The following TBCD variants were observed in gnomAD, a reference collection of about 807,000 sequenced individuals.
TBCD encodes tubulin folding cofactor D.
A neutral mutation model predicts 169.3 loss-of-function variants in TBCD; 105 were observed. That is an observed-to-expected ratio of 0.62 (90% CI 0.53 to 0.73). The LOEUF (loss-of-function observed/expected upper bound fraction) is 0.73. TBCD is among the 30% of genes least tolerant of loss of function. The probability of loss-of-function intolerance (pLI) is 0.00; values close to 1 mark genes in which losing one functional copy is unlikely to be tolerated. For synonymous variants in TBCD, 700 were observed against 643.9 expected (o/e 1.09, Z -1.32); for missense variants, 1,444 against 1,600.1 (o/e 0.90, Z 1.66).
chr17:82,805,972 G>A lies in TBCD; in HGVS notation c.1048G>A (p.Glu350Lys), dbSNP rs201515629. The change falls in exon 10 of 39, where the codon GAA becomes AAA. Residue 350 changes from glutamate to lysine, a missense_variant. By Grantham distance (56) the Glu-to-Lys change is moderately conservative (BLOSUM62 1). Transcript: ENST00000355528. Reference protein sequence around the residue: ...KPLILTEDDDEDDDVPEGVER... With the variant: ...KPLILTEDDDKDDDVPEGVER... ...ACTCATCCTGACCGAAGATGACGAC[G>A]AAGATGACGACGTCCCAGAGGGGGT... is the stretch of plus-strand genomic sequence containing the variant. The A allele has an allele frequency of 2.9e-5, 47 of 1,613,706 alleles. No individual in the cohort carries two copies. Among genetic ancestry groups the A allele is most frequent in the African/African-American group, 2.3e-4 (17 of 74,916 alleles).
chr17:82,864,712 A>C lies in TBCD; in HGVS notation c.1319-5512A>C, dbSNP rs558369887. Among the ~76,000 whole-genome samples, 1 of 152,138 alleles carries C rather than the reference A, an allele frequency of 6.6e-6. No individual in the cohort carries two copies. Among genetic ancestry groups the C allele is most frequent in the African/African-American group, 2.4e-5 (1 of 41,490 alleles). On this transcript the variant is annotated intron_variant, in intron 13 of 38. Transcript: ENST00000355528. This position sits in a 1 kb window ranked among gnomAD's most constrained non-coding sequence, Gnocchi z 6.3. ...GGCTTGGGGCTTGGTGCGTGATCCC[A>C]CCGAGGCCGGGGTTGTGCTTGGGGC... is the stretch of plus-strand genomic sequence containing the variant.
intron 13 of TBCD, among the ~76,000 whole-genome samples, chr17:82,834,507 A>T (rs1438939619): frequency 6.6e-6 from 1 of 152,258 alleles, no homozygotes; most frequent in Non-Finnish European, 1.5e-5. Context: ...AAAATGCGGC[A>T]CATATACACC....
intron 13 of TBCD, among the ~76,000 whole-genome samples, chr17:82,828,431 C>T (rs543833417): frequency 5.8e-4 from 87 of 150,154 alleles, no homozygotes; most frequent in African/African-American, 2.0e-3. Flanking sequence ...GATATGTACA[C>T]GTGGACACGC....
chr17:82,937,336 A>G lies in TBCD; in HGVS notation c.3257A>G (p.Gln1086Arg). 2 of 1,614,052 alleles carry G rather than the reference A, an allele frequency of 1.2e-6. No individual in the cohort carries two copies. Among genetic ancestry groups the G allele is most frequent in the East Asian group, 4.5e-5 (2 of 44,882 alleles). Reference sequence around the variant, plus strand: ...GAAATCAAGAATTCAAAAGATATCCAGAAGCTCCTGTCAGGCATCGCAGTG... The same window carrying G: ...GAAATCAAGAATTCAAAAGATATCCGGAAGCTCCTGTCAGGCATCGCAGTG... ...KKEIKNSKDI[Q>R]KLLSGIAVFC... The change falls in exon 35 of 39, where the codon CAG becomes CGG. Residue 1086 changes from glutamine to arginine, a missense_variant. Physicochemically the swap from Gln to Arg is conservative, Grantham distance 43. Transcript: ENST00000355528.
At chr17:82,927,003 C>A in intron 28 of TBCD, 183 bp from the exon 29 acceptor site, 1 of 843,910 alleles carries the variant, frequency 1.2e-6, no homozygotes, top group Non-Finnish European at 1.8e-6. Flanking sequence ...AGAGCGTGAC[C>A]TCGGGGAAGC....
chr17:82,891,065 C>T (rs996208575), intron 16 of TBCD, among the ~76,000 whole-genome samples: 8 of 152,222 alleles, frequency 5.3e-5, no homozygotes, highest in Admixed American at 1.3e-4. Context: ...GGGTGACGAC[C>T]GTGCTGGGTG....
chr17:82,889,527 T>C lies in TBCD; in HGVS notation c.1534-141T>C. 1.1e-6 allele frequency: 1 copy of C among 934,948 alleles called. No individual in the cohort carries two copies. Among genetic ancestry groups the C allele is most frequent in the Admixed American group, 2.5e-5 (1 of 39,846 alleles). 57.9% of individuals were successfully genotyped at this position (934,948 alleles called of 1,614,324 possible). A position where few individuals can be genotyped will look rare whatever the true frequency, so the allele number is the denominator to read the frequency against. On this transcript the variant is annotated intron_variant, in intron 15 of 38. Coordinates refer to ENST00000355528, the MANE Select transcript of TBCD (RefSeq NM_005993.5). The surrounding 1 kb of genome is among the most constrained non-coding windows in gnomAD (Gnocchi z 5.3). Reference sequence around the variant, plus strand: ...AAAACAGAGTGACGCACCTTGAGGCTCTGTTCAGCCAACAATGAGGGCTTT... The same window carrying C: ...AAAACAGAGTGACGCACCTTGAGGCCCTGTTCAGCCAACAATGAGGGCTTT...
chr17:82,776,673 G>A (rs1029349584), intron 6 of TBCD, among the ~76,000 whole-genome samples: 3 of 152,104 alleles, frequency 2.0e-5, no homozygotes, highest in African/African-American at 2.4e-5. Flanking sequence ...AGTCACGGAC[G>A]CCTGGGTTTG....
At chr17:82,786,109 G>A (rs930538912) in intron 7 of TBCD, among the ~76,000 whole-genome samples, 1 of 152,124 alleles carries the variant, frequency 6.6e-6, no homozygotes, top group East Asian at 1.9e-4. Flanking sequence ...CTACCAGCCC[G>A]TGGGGCCAAA....
At chr17:82,847,511 A>G (rs952618596) in intron 13 of TBCD, among the ~76,000 whole-genome samples, 1 of 152,120 alleles carries the variant, frequency 6.6e-6, no homozygotes, top group Non-Finnish European at 1.5e-5. Flanking sequence ...GAATTTGGGG[A>G]AAGCTTTCTT....
At chr17:82,933,702 C>T (rs562545310) in intron 34 of TBCD, among the ~76,000 whole-genome samples, 18 of 152,268 alleles carry the variant, frequency 1.2e-4, no homozygotes, top group Admixed American at 8.5e-4. Context: ...ACCGCAACCC[C>T]GTCCCGGGTT....
intron 6 of TBCD, 94 bp downstream of exon 6, chr17:82,772,601 GACGAAGGAC>G: frequency 7.5e-7 from 1 of 1,328,842 alleles, no homozygotes; most frequent in South Asian, 1.2e-5. Context: ...TCAGTCCTCA[GACGAAGGAC>G]CCCGGGAAGT....
At chr17:82,759,390 A>G (rs1175582408) in intron 2 of TBCD, among the ~76,000 whole-genome samples, 4 of 152,168 alleles carry the variant, frequency 2.6e-5, no homozygotes, top group Non-Finnish European at 5.9e-5. Flanking sequence ...CCGAGGCAGG[A>G]GAATTGCTTG....
intron 13 of TBCD, among the ~76,000 whole-genome samples, chr17:82,862,877 C>T (rs557937407): frequency 3.9e-5 from 6 of 152,302 alleles, no homozygotes; most frequent in African/African-American, 1.4e-4. Flanking sequence ...TGTCTGTCCT[C>T]TCACGCGTCC....
chr17:82,906,240 C>T (rs1568007497), intron 20 of TBCD, among the ~76,000 whole-genome samples, 187 bp downstream of exon 20: 1 of 152,334 alleles, frequency 6.6e-6, no homozygotes, highest in East Asian at 1.9e-4. Context: ...TCCTGACGGT[C>T]ATGCCGTGGG....
At chr17:82,916,227 C>T (rs1348920704) in intron 23 of TBCD, among the ~76,000 whole-genome samples, 28 of 152,148 alleles carry the variant, frequency 1.8e-4, no homozygotes, top group Admixed American at 1.8e-3. Flanking sequence ...TTTGTTTATA[C>T]CAAAATGGCT....
At chr17:82,850,553 G>C (rs540664536) in intron 13 of TBCD, among the ~76,000 whole-genome samples, 3 of 147,520 alleles carry the variant, frequency 2.0e-5, no homozygotes, top group Admixed American at 1.3e-4. Context: ...TGCTGTTGTT[G>C]GCTGTGCTGT....
chr17:82,759,598 C>T (rs1330987503), intron 2 of TBCD, among the ~76,000 whole-genome samples: 2 of 151,966 alleles, frequency 1.3e-5, no homozygotes, highest in Non-Finnish European at 2.9e-5. Flanking sequence ...GCTGGGATGA[C>T]AGGTGTGAGC....
At chr17:82,940,954 C>T (rs1399464375) in intron 37 of TBCD, among the ~76,000 whole-genome samples, 2 of 151,714 alleles carry the variant, frequency 1.3e-5, no homozygotes, top group Non-Finnish European at 2.9e-5. Context: ...AATCCCCTTT[C>T]TGTTAAAAAA....
Sources: allele counts gnomAD v4.1 joint callset (sites outside exome capture counted in the v4.1 genomes callset), GRCh38; gene constraint gnomAD v4.1.1; non-coding constraint Gnocchi (gnomAD v3.1); transcripts MANE v1.5; gene names NCBI Gene and HGNC (gene_info 2026-07-23, HGNC 2026-07-21).